The following MAD1L1 variants were observed in gnomAD, a reference collection of about 807,000 sequenced individuals.
MAD1L1 encodes the protein mitotic arrest deficient 1 like 1.
In MAD1L1, 95 loss-of-function variants were observed where a neutral mutation model predicts 96.9. The ratio of observed to expected loss-of-function variants is 0.98; its 90% CI spans 0.83 to 1.16. MAD1L1 has a LOEUF of 1.16. Ranked by LOEUF, MAD1L1 falls within the 50% of genes most tolerant of loss-of-function variation. The probability of loss-of-function intolerance (pLI) is 0.00; values close to 1 mark genes in which losing one functional copy is unlikely to be tolerated. For missense variants in MAD1L1, 1,007 were observed against 954.4 expected, an observed-to-expected ratio of 1.06 and a Z score of -0.73; for synonymous variants, 473 against 396.6, an observed-to-expected ratio of 1.19 and a Z score of -2.29.
intron 12 of MAD1L1, among the ~76,000 whole-genome samples, chr7:2,064,455 G>C (rs183664004): frequency 3.3e-5 from 5 of 152,366 alleles, no homozygotes; most frequent in Admixed American, 3.3e-4. Flanking sequence ...TCTGGCCCCT[G>C]TAAGAGGCTG....
intron 12 of MAD1L1, among the ~76,000 whole-genome samples, chr7:2,020,531 A>G (rs1241419902): frequency 1.3e-5 from 2 of 152,178 alleles, no homozygotes; most frequent in African/African-American, 2.4e-5. Context: ...AGAGCAGAAC[A>G]CCATGAGGAC....
intron 10 of MAD1L1, among the ~76,000 whole-genome samples, chr7:2,160,333 T>C (rs1351585432): frequency 9.9e-6 from 1 of 101,510 alleles, no homozygotes; most frequent in Non-Finnish European, 2.4e-5. Context: ...GATCCTATTT[T>C]TTTTTTTTTT....
chr7:2,191,528 C>T (rs1392277123), intron 10 of MAD1L1, among the ~76,000 whole-genome samples: 6 of 152,028 alleles, frequency 3.9e-5, no homozygotes, highest in East Asian at 1.9e-4. Context: ...CTCAGGAGTT[C>T]GAGACCAGTC....
intron 15 of MAD1L1, among the ~76,000 whole-genome samples, chr7:1,965,405 C>T (rs1192200660): frequency 4.6e-5 from 7 of 152,216 alleles, no homozygotes; most frequent in African/African-American, 1.2e-4. Flanking sequence ...GACACGTGCC[C>T]GGCTCTGGAA....
intron 18 of MAD1L1, among the ~76,000 whole-genome samples, chr7:1,886,247 G>A (rs1454595115): frequency 6.6e-6 from 1 of 152,218 alleles, no homozygotes; most frequent in Non-Finnish European, 1.5e-5. Flanking sequence ...CCAAGAGCCT[G>A]GAGTCCTGAG....
chr7:2,019,494 T>A (rs1782686119), intron 12 of MAD1L1, among the ~76,000 whole-genome samples: 2 of 152,244 alleles, frequency 1.3e-5, no homozygotes, highest in African/African-American at 4.8e-5. Flanking sequence ...GAACCCACCC[T>A]CCTTGTGCAA....
At chr7:2,152,224 C>G (rs963770234) in intron 10 of MAD1L1, among the ~76,000 whole-genome samples, 1 of 152,216 alleles carries the variant, frequency 6.6e-6, no homozygotes, top group Non-Finnish European at 1.5e-5. Context: ...CATCCCTAGG[C>G]CCCCAGATCC....
intron 11 of MAD1L1, among the ~76,000 whole-genome samples, chr7:2,120,651 CCAA>C (rs1455695005): frequency 6.6e-6 from 1 of 152,354 alleles, no homozygotes; most frequent in South Asian, 2.1e-4. Flanking sequence ...CTCTGTTTCC[CCAA>C]CAACACAAAA....
chr7:2,052,279 G>A (rs1391708081), intron 12 of MAD1L1, among the ~76,000 whole-genome samples: 1 of 152,238 alleles, frequency 6.6e-6, no homozygotes, highest in East Asian at 1.9e-4. Flanking sequence ...GCCCCTTCAT[G>A]TGAGCAACAG....
chr7:1,904,188 A>T (rs1048879364), intron 17 of MAD1L1, among the ~76,000 whole-genome samples: 2 of 148,910 alleles, frequency 1.3e-5, no homozygotes, highest in Non-Finnish European at 2.9e-5. Context: ...ATGATTAATG[A>T]AGCACTGTTC....
intron 14 of MAD1L1, among the ~76,000 whole-genome samples, chr7:1,990,113 C>T (rs959590052): frequency 1.3e-5 from 2 of 152,230 alleles, no homozygotes; most frequent in East Asian, 1.9e-4. Flanking sequence ...CATGCGCGTG[C>T]ACCCGCCGCC....
intron 5 of MAD1L1, 69 bp downstream of exon 5, chr7:2,222,506 T>C (rs1793660652): frequency 2.1e-6 from 3 of 1,411,104 alleles, no homozygotes; most frequent in Non-Finnish European, 2.8e-6. Context: ...GGCACTGCAG[T>C]GGCAAACAAG....
At chr7:2,083,522 C>G (rs1382663541) in intron 11 of MAD1L1, among the ~76,000 whole-genome samples, 1 of 152,208 alleles carries the variant, frequency 6.6e-6, no homozygotes, top group African/African-American at 2.4e-5. Flanking sequence ...AGCACTCGGG[C>G]AGGTAAATCA....
intron 10 of MAD1L1, among the ~76,000 whole-genome samples, chr7:2,204,321 A>G (rs967174064): frequency 6.6e-6 from 1 of 152,198 alleles, no homozygotes; most frequent in African/African-American, 2.4e-5. Flanking sequence ...TCTGCTGTTG[A>G]CAGGCCAGCT....
At chr7:1,920,209 C>A (rs577031433) in intron 17 of MAD1L1, among the ~76,000 whole-genome samples, 1 of 152,348 alleles carries the variant, frequency 6.6e-6, no homozygotes, top group South Asian at 2.1e-4. Context: ...ATTGCGTGAG[C>A]CAACTCCCTG....
chr7:1,913,503 G>A (rs1349609589), intron 17 of MAD1L1, among the ~76,000 whole-genome samples: 1 of 152,134 alleles, frequency 6.6e-6, no homozygotes, highest in African/African-American at 2.4e-5. Flanking sequence ...AGCTGTAGCG[G>A]CAGCCAGGCC....
rs1030499648 is a variant in MAD1L1, at chr7:1,907,019, C to T, written c.1808-8629G>A. ...GGCCGAAGAGAGGCCATGCCACTGC[C>T]CCGCCCCCAAGCCCCCAACCCCATC... On this transcript the variant is annotated intron_variant, in intron 17 of 18. Coordinates refer to ENST00000265854, the MANE Select transcript of MAD1L1 (RefSeq NM_001013836.2). Among the ~76,000 whole-genome samples, 86 of 152,234 alleles carry T rather than the reference C, an allele frequency of 5.6e-4. 1 individual carries two copies. The highest frequency in any genetic ancestry group is 1.6e-4 in the Non-Finnish European group (11 of 68,032).
At chr7:1,931,279 G>A (rs955667207) in intron 17 of MAD1L1, among the ~76,000 whole-genome samples, 1 of 152,172 alleles carries the variant, frequency 6.6e-6, no homozygotes, top group Non-Finnish European at 1.5e-5. Flanking sequence ...GGCGCGTCGT[G>A]GGGTCCACGT....
At chr7:2,187,876 G>A (rs56086308) in intron 10 of MAD1L1, among the ~76,000 whole-genome samples, 3,986 of 152,158 alleles carry the variant, frequency 0.026, 92 homozygotes, top group South Asian at 0.073. Context: ...TTAAATAAAC[G>A]TTATCATTTG....
Sources: gnomAD v4.1 joint callset for allele counts (sites outside exome capture counted in the v4.1 genomes callset) on GRCh38, gnomAD v4.1.1 for gene constraint, MANE v1.5 for transcripts, NCBI Gene and HGNC (gene_info 2026-07-23, HGNC 2026-07-21) for gene names.